Variants in HIPK2 observed in about 807,000 individuals in gnomAD.
HIPK2 encodes homeodomain interacting protein kinase 2.
HIPK2 carries 27 observed loss-of-function variants against 113.7 expected under a neutral mutation model. That is an observed-to-expected ratio of 0.24 (90% CI 0.17 to 0.33). The LOEUF is 0.33. Ranked by LOEUF, HIPK2 falls within the 10% of genes least tolerant of loss-of-function variation. The pLI is 1.00. For synonymous variants in HIPK2, 631 were observed against 642.2 expected (o/e 0.98, Z 0.26); for missense variants, 1,257 against 1,588.0 (o/e 0.79, Z 3.54).
chr7:139,593,997 G>A (rs1052193722), intron 12 of HIPK2, among the ~76,000 whole-genome samples: 35 of 152,106 alleles, frequency 2.3e-4, no homozygotes, highest in African/African-American at 8.0e-4. Flanking sequence ...CATGTAAGGG[G>A]AGATCCCTCC....
At chr7:139,601,684 T>C (rs1177852161) in intron 10 of HIPK2, among the ~76,000 whole-genome samples, 1 of 152,246 alleles carries the variant, frequency 6.6e-6, no homozygotes, top group African/African-American at 2.4e-5. Flanking sequence ...ATTTGGGTTG[T>C]ATGAAGCTTA....
intron 1 of HIPK2, among the ~76,000 whole-genome samples, chr7:139,742,544 G>C (rs189394797): frequency 6.6e-6 from 1 of 151,424 alleles, no homozygotes; most frequent in Non-Finnish European, 1.5e-5. Flanking sequence ...ACTCTTTTTT[G>C]TCAGGATAGG....
At chr7:139,583,692 G>C in intron 13 of HIPK2, 125 bp downstream of exon 13, 1 of 1,385,450 alleles carries the variant, frequency 7.2e-7, no homozygotes, top group Non-Finnish European at 9.8e-7. Flanking sequence ...CTCGGTAAGG[G>C]TCGCCTGCAG....
At chr7:139,680,302 C>T (rs1412525320) in intron 2 of HIPK2, among the ~76,000 whole-genome samples, 1 of 152,234 alleles carries the variant, frequency 6.6e-6, no homozygotes, top group Non-Finnish European at 1.5e-5. Context: ...ACGATTAACA[C>T]CCTCCCCACA....
chr7:139,635,625 T>C (rs777696332), intron 2 of HIPK2, among the ~76,000 whole-genome samples: 67 of 151,888 alleles, frequency 4.4e-4, no homozygotes, highest in South Asian at 8.3e-4. Context: ...TGCCGCAGAA[T>C]GTTCCTGCTG....
rs1225087827 is a variant in HIPK2 at position 139,683,526 on chromosome 7, A to C, written c.1103+32406T>G. On this transcript the variant is annotated intron_variant, in intron 2 of 14. Coordinates refer to ENST00000406875, the MANE Select transcript of HIPK2 (RefSeq NM_022740.5). This position sits in a 1 kb window ranked among gnomAD's most constrained non-coding sequence, Gnocchi z 4.2. ...GAGAGAGAGACACACGCATACCAAG[A>C]CAGAAGCTGCAGAACCTCTCAGAAT... Among the ~76,000 whole-genome samples the C allele has an allele frequency of 4.6e-5, 7 of 152,178 alleles. No individual in the cohort carries two copies. Among genetic ancestry groups the C allele is most frequent in the Non-Finnish European group, 1.0e-4 (7 of 68,034 alleles).
intron 2 of HIPK2, among the ~76,000 whole-genome samples, chr7:139,635,794 G>A (rs1420929873): frequency 6.6e-6 from 1 of 152,084 alleles, no homozygotes; most frequent in Non-Finnish European, 1.5e-5. Context: ...CATAAAAATC[G>A]AGCCGACACA....
At chr7:139,704,543 AC>A (rs1169912343) in intron 2 of HIPK2, among the ~76,000 whole-genome samples, 2 of 151,684 alleles carry the variant, frequency 1.3e-5, no homozygotes, top group Non-Finnish European at 2.9e-5. Flanking sequence ...CACCCCATAC[AC>A]ACAGCAACAT....
intron 2 of HIPK2, among the ~76,000 whole-genome samples, chr7:139,698,374 C>G (rs918671348): frequency 2.0e-5 from 3 of 152,304 alleles, no homozygotes; most frequent in Admixed American, 2.0e-4. Flanking sequence ...GACATTTGGG[C>G]TGCTTCCACC....
At chr7:139,753,485 T>C (rs182959677) in intron 1 of HIPK2, among the ~76,000 whole-genome samples, 1 of 152,302 alleles carries the variant, frequency 6.6e-6, no homozygotes. Context: ...GAAATCTTCA[T>C]GGAGAAAGAC....
rs577031287 is a variant in HIPK2 at position 139,716,554 on chromosome 7, C to T, written c.481G>A (p.Ala161Thr). 3.1e-6 allele frequency: 5 copies of T among 1,613,966 alleles called. No homozygotes were observed. The South Asian group carries it at 5.5e-5, about 18-fold the overall frequency. ...GACGTGGTGGCAGTGGCGACAGTGG[C>T]CCCGCTTGCATTATTCTGAATCATG... is the stretch of plus-strand genomic sequence containing the variant. The part of the protein sequence containing the change: ...PPMIQNNASG[A>T]TVATATTSTA... The change falls in exon 2 of 15, where the codon GCC becomes ACC. Residue 161 changes from alanine to threonine, a missense_variant. Ala to Thr is a moderately conservative substitution (Grantham distance 58). Around this residue, in one of 5 missense-constraint regions of HIPK2, gnomAD observed 209 missense variants for 237.8 expected, o/e 0.88. Coordinates refer to ENST00000406875, the MANE Select transcript of HIPK2 (RefSeq NM_022740.5). This position sits in a 1 kb window ranked among gnomAD's most constrained non-coding sequence, Gnocchi z 9.3.
In HIPK2 at chr7:139,716,018, T is replaced by C; in HGVS notation, c.1017A>G (p.Pro339=). The C allele has an allele frequency of 6.2e-7, 1 of 1,614,136 alleles. No individual in the cohort carries two copies. Among genetic ancestry groups the C allele is most frequent in the Non-Finnish European group, 8.5e-7 (1 of 1,179,998 alleles). The change falls in exon 2 of 15, where the codon CCA becomes CCG. Residue 339 remains proline, a synonymous_variant. Coordinates refer to ENST00000406875, the MANE Select transcript of HIPK2 (RefSeq NM_022740.5). The surrounding 1 kb of genome is among the most constrained non-coding windows in gnomAD (Gnocchi z 9.3). The part of the protein sequence containing the change: ...NIMLVDPSRQ[P]YRVKVIDFGS... ...CAAAGTCGATGACCTTGACTCTGTA[T>C]GGTTGTCTAGATGGATCCACCAGCA...
In HIPK2 at chr7:139,716,423, G is replaced by T. The variant is rs1317231863; in HGVS notation, c.612C>A (p.Phe204Leu). 1 of 1,613,896 alleles carries T rather than the reference G, an allele frequency of 6.2e-7. No individual in the cohort carries two copies. The change falls in exon 2 of 15, where the codon TTC becomes TTA. Residue 204 changes from phenylalanine to leucine, a missense_variant. Physicochemically the swap from Phe to Leu is conservative, Grantham distance 22. Coordinates refer to ENST00000406875, the MANE Select transcript of HIPK2 (RefSeq NM_022740.5). The surrounding 1 kb of genome is among the most constrained non-coding windows in gnomAD (Gnocchi z 9.3). ...CTTGCCCAAACGTCCCTCGGCCCAA[G>T]AACTCTAAGACCTCGTAGGTGTTGG... The part of the protein sequence containing the change: ...SMTNTYEVLE[F>L]LGRGTFGQVV...
At chr7:139,604,448 G>A (rs1009982376) in intron 9 of HIPK2, among the ~76,000 whole-genome samples, 2 of 152,126 alleles carry the variant, frequency 1.3e-5, no homozygotes, top group African/African-American at 4.8e-5. Context: ...TTGGGAGGCT[G>A]AGGAGAGCGG....
At position 139,631,332 on chromosome 7, in the gene HIPK2, C is replaced by G; in HGVS notation, c.1228-48G>C. 1 of 1,571,296 alleles carries G rather than the reference C, an allele frequency of 6.4e-7. No individual in the cohort carries two copies. The highest frequency in any genetic ancestry group is 8.6e-7 in the Non-Finnish European group (1 of 1,157,170). On this transcript the variant is annotated intron_variant, in intron 3 of 14. Transcript: ENST00000406875. This position sits in a 1 kb window ranked among gnomAD's most constrained non-coding sequence, Gnocchi z 4.9. ...GGTCAGGGCTTTTCCTGTCACTATA[C>G]ATATGGTATACTAATGGCTCTGCTG... is the stretch of plus-strand genomic sequence containing the variant.
rs1012816558 is a variant in HIPK2, at chr7:139,665,950, C to CT, written c.1104-34226dup. 6.0e-3 allele frequency among the ~76,000 whole-genome samples: 833 copies of CT among 139,524 alleles called. 4 individuals carry two copies. The highest frequency in any genetic ancestry group is 9.4e-3 in the Admixed American group (133 of 14,130). 91.5% of individuals were successfully genotyped at this position (139,524 alleles called of 152,430 possible). A position where few individuals can be genotyped will look rare whatever the true frequency, so the allele number is the denominator to read the frequency against. On this transcript the variant is annotated intron_variant, in intron 2 of 14. Transcript: ENST00000406875. The stretch of plus-strand genomic sequence containing the variant: ...CTTTCAAGTCAATAAGGAGGTCTGC[C>CT]TTTTTTTTTTTTTTTTTTAAACACT...
rs1325133372 is a variant in HIPK2, at chr7:139,719,847, TA to T, written c.20-2833del. Among the ~76,000 whole-genome samples, 4 of 152,224 alleles carry T rather than the reference TA, an allele frequency of 2.6e-5. No homozygotes were observed. The East Asian group carries it at 7.7e-4, about 29-fold the overall frequency. On this transcript the variant is annotated intron_variant, in intron 1 of 14. Coordinates refer to ENST00000406875, the MANE Select transcript of HIPK2 (RefSeq NM_022740.5). ...TGTATTTATCACTTTCTAGAAGGAC[TA>T]AAGCAAATCTAGACATCTCATCTAC...
At chr7:139,663,147 T>G (rs1030643761) in intron 2 of HIPK2, among the ~76,000 whole-genome samples, 1 of 152,206 alleles carries the variant, frequency 6.6e-6, no homozygotes, top group African/African-American at 2.4e-5. Flanking sequence ...GCCCTTCTCA[T>G]GCCCACTGGC....
chr7:139,656,941 G>A (rs1801691659), intron 2 of HIPK2, among the ~76,000 whole-genome samples: 1 of 151,872 alleles, frequency 6.6e-6, no homozygotes, highest in South Asian at 2.1e-4. Context: ...CACAATCTCG[G>A]CTCACTGCAA....
Sources: gnomAD v4.1 joint callset for allele counts (sites outside exome capture counted in the v4.1 genomes callset) on GRCh38, gnomAD v4.1.1 for gene constraint, gnomAD v4.1.1 regional missense constraint, Gnocchi (gnomAD v3.1) non-coding constraint, MANE v1.5 for transcripts, NCBI Gene and HGNC (gene_info 2026-07-23, HGNC 2026-07-21) for gene names.